The following FAM193A variants were observed in gnomAD, a reference collection of about 807,000 sequenced individuals.
FAM193A encodes family with sequence similarity 193 member A.
FAM193A carries 22 observed loss-of-function variants against 126.5 expected under a neutral mutation model. That is an observed-to-expected ratio of 0.17 (90% CI 0.12 to 0.25). The LOEUF (loss-of-function observed/expected upper bound fraction) is 0.25, where lower values mean the gene tolerates loss of function less well. FAM193A is among the 10% of genes least tolerant of loss of function. FAM193A has a pLI of 1.00. For synonymous variants in FAM193A, 761 were observed against 646.8 expected, an observed-to-expected ratio of 1.18 and a Z score of -2.68; for missense variants, 1,675 against 1,672.8, an observed-to-expected ratio of 1.00 and a Z score of -0.02.
intron 5 of FAM193A, 99 bp from the exon 6 acceptor site, chr4:2,639,636 G>C (rs1463655326): frequency 3.4e-6 from 3 of 882,244 alleles, no homozygotes; most frequent in Non-Finnish European, 5.1e-6. Flanking sequence ...TGTGCGTGGT[G>C]GGGGGAAATG....
intron 1 of FAM193A, among the ~76,000 whole-genome samples, chr4:2,584,706 C>A (rs1272547736): frequency 6.6e-6 from 1 of 152,060 alleles, no homozygotes; most frequent in Non-Finnish European, 1.5e-5. Context: ...GTGGGCAGAT[C>A]ATGAGGTCAA....
At chr4:2,634,222 C>T (rs1462148353) in intron 5 of FAM193A, among the ~76,000 whole-genome samples, 1 of 152,206 alleles carries the variant, frequency 6.6e-6, no homozygotes, top group Non-Finnish European at 1.5e-5. Flanking sequence ...GACTTGGTAG[C>T]TGTCAGCCAG....
intron 1 of FAM193A, among the ~76,000 whole-genome samples, chr4:2,551,777 A>AT (rs573428822): frequency 1.0e-3 from 148 of 142,550 alleles, no homozygotes; most frequent in Middle Eastern, 3.7e-3. Context: ...AGTGTGTTTG[A>AT]TTTTTTTTTT....
At chr4:2,731,433 T>C (rs1243772204) in intron 20 of FAM193A, among the ~76,000 whole-genome samples, 1 of 151,852 alleles carries the variant, frequency 6.6e-6, no homozygotes. Flanking sequence ...TGATTTGCCC[T>C]CCTCAGCCTC....
At chr4:2,678,330 TC>T (rs1419769892) in intron 13 of FAM193A, among the ~76,000 whole-genome samples, 1 of 151,086 alleles carries the variant, frequency 6.6e-6, no homozygotes, top group Non-Finnish European at 1.5e-5. Context: ...TTTGGTTAAT[TC>T]CCGTTGGTGT....
intron 1 of FAM193A, among the ~76,000 whole-genome samples, chr4:2,538,968 G>A (rs778164575): frequency 4.5e-4 from 69 of 151,970 alleles, no homozygotes; most frequent in Non-Finnish European, 7.1e-4. Flanking sequence ...TTGGCGCACC[G>A]TAACCTCTGT....
chr4:2,607,919 G>C, intron 2 of FAM193A: 1 of 1,165,532 alleles, frequency 8.6e-7, no homozygotes, highest in Non-Finnish European at 1.2e-6. Context: ...TTCACTATGT[G>C]ATGGTGTCGC....
At position 2,600,094 on chromosome 4, in the gene FAM193A, C is replaced by T. The variant is rs547033068; in HGVS notation, c.501+3765C>T. Among the ~76,000 whole-genome samples, 14 of 152,258 alleles carry T rather than the reference C, an allele frequency of 9.2e-5. No homozygotes were observed. The East Asian group carries it at 1.7e-3, about 19-fold the overall frequency. ...TTTGTATTTAGTAGAGACAGGGTTT[C>T]GTGATGATGGCCAAGCTGGTCTCAA... On this transcript the variant is annotated intron_variant, in intron 2 of 20. Transcript: ENST00000637812.
chr4:2,625,791 A>G (rs1742902330), intron 3 of FAM193A, among the ~76,000 whole-genome samples: 1 of 136,088 alleles, frequency 7.3e-6, no homozygotes, highest in Non-Finnish European at 1.5e-5. Flanking sequence ...CAGTGGCGTG[A>G]TCTCCGCTCA....
intron 2 of FAM193A, among the ~76,000 whole-genome samples, chr4:2,596,687 G>A (rs756839816): frequency 2.6e-5 from 4 of 152,116 alleles, no homozygotes; most frequent in African/African-American, 4.8e-5. Context: ...AATTCTTTAC[G>A]CGATGCTCTT....
intron 1 of FAM193A, among the ~76,000 whole-genome samples, chr4:2,559,965 C>CT (rs112140041): frequency 0.07 from 10,344 of 147,848 alleles, 636 homozygotes; most frequent in African/African-American, 0.16. Context: ...TTCTTTTTTC[C>CT]TTTTTTTTTT....
intron 1 of FAM193A, among the ~76,000 whole-genome samples, chr4:2,552,562 G>A (rs746603429): frequency 6.6e-6 from 1 of 151,024 alleles, no homozygotes; most frequent in Non-Finnish European, 1.5e-5. Context: ...TTTTTGAGAC[G>A]GAGTCTCGCT....
chr4:2,558,410 C>T (rs1738397861), intron 1 of FAM193A, among the ~76,000 whole-genome samples: 1 of 152,174 alleles, frequency 6.6e-6, no homozygotes, highest in Non-Finnish European at 1.5e-5. Flanking sequence ...AGTTAGAGTA[C>T]AGTCCCTATT....
chr4:2,557,217 G>A lies in FAM193A; in HGVS notation c.255+20047G>A, dbSNP rs149505630. ...ATGTGAATGTGGTATCTCTCTCTCA[G>A]AATATCTTATTATACTGTGCTCACC... On this transcript the variant is annotated intron_variant, in intron 1 of 20. Transcript: ENST00000637812. Among the ~76,000 whole-genome samples, 195 of 152,236 alleles carry A rather than the reference G, an allele frequency of 1.3e-3. 1 individual carries two copies. The highest frequency in any genetic ancestry group is 4.6e-3 in the African/African-American group (189 of 41,538).
intron 19 of FAM193A, among the ~76,000 whole-genome samples, chr4:2,701,257 C>T (rs1296006676): frequency 6.7e-6 from 1 of 148,960 alleles, no homozygotes; most frequent in Admixed American, 6.7e-5. Context: ...CATGTTTCTC[C>T]AATTGTCCTT....
intron 1 of FAM193A, among the ~76,000 whole-genome samples, chr4:2,550,211 A>G (rs965276017): frequency 2.7e-5 from 4 of 149,718 alleles, no homozygotes; most frequent in South Asian, 2.1e-4. Flanking sequence ...ACTCCTGGCT[A>G]ATTTTTGTAC....
Position 2,632,149 on chromosome 4 carries a change from G to A in FAM193A, c.1038+980G>A, listed in dbSNP as rs577374050. ...CAAAGGTGGTACAGGGCATCACATG[G>A]CGAGAGGGCTGAGCATCAGTTTTGG... On this transcript the variant is annotated intron_variant, in intron 5 of 20. Coordinates refer to ENST00000637812, the MANE Select transcript of FAM193A (RefSeq NM_001366318.2). Among the ~76,000 whole-genome samples the A allele has an allele frequency of 6.6e-5, 10 of 152,226 alleles. No homozygotes were observed. In the East Asian group the frequency reaches 1.7e-3, roughly 26 times the overall value.
At chr4:2,535,982 C>T (rs1736850817), upstream of FAM193A, among the ~76,000 whole-genome samples, 5 of 152,176 alleles carry the variant, frequency 3.3e-5, no homozygotes, top group South Asian at 8.3e-4. Context: ...GCTGCCCGAA[C>T]CCCCGCCCAG....
intron 13 of FAM193A, among the ~76,000 whole-genome samples, chr4:2,673,897 G>C (rs1325886039): frequency 1.3e-5 from 2 of 152,130 alleles, no homozygotes; most frequent in African/African-American, 2.4e-5. Context: ...TAGGAAATTA[G>C]AGATCTATAT....
Sources: allele counts gnomAD v4.1 joint callset (sites outside exome capture counted in the v4.1 genomes callset), GRCh38; gene constraint gnomAD v4.1.1; transcripts MANE v1.5; gene names NCBI Gene and HGNC (gene_info 2026-07-23, HGNC 2026-07-21).